Variants in TSHZ2 observed in about 807,000 individuals in gnomAD.
The protein encoded by TSHZ2 is teashirt homolog 2.
In TSHZ2, 21 loss-of-function variants were observed where a neutral mutation model predicts 74.4. The observed-to-expected ratio is 0.28, with a 90% CI of 0.20 to 0.41. The LOEUF is 0.41. Ranked by LOEUF, TSHZ2 falls within the 10% of genes least tolerant of loss-of-function variation. TSHZ2 has a pLI of 1.00. For synonymous variants in TSHZ2, 540 were observed against 515.3 expected (o/e 1.05, Z -0.65); for missense variants, 1,244 against 1,293.5 (o/e 0.96, Z 0.59).
At chr20:53,111,204 A>G (rs1273780530) in intron 1 of TSHZ2, among the ~76,000 whole-genome samples, 2 of 152,196 alleles carry the variant, frequency 1.3e-5, no homozygotes, top group East Asian at 3.8e-4. Flanking sequence ...TCTGCATAAT[A>G]TATCTACATG....
chr20:53,281,064 A>G (rs1250817659), intron 2 of TSHZ2, among the ~76,000 whole-genome samples: 1 of 152,248 alleles, frequency 6.6e-6, no homozygotes, highest in East Asian at 1.9e-4. Context: ...TGAGCAAGGC[A>G]AAGAAAGCCT....
intron 1 of TSHZ2, among the ~76,000 whole-genome samples, chr20:53,094,071 A>G (rs1985966409): frequency 6.6e-6 from 1 of 151,476 alleles, no homozygotes; most frequent in Non-Finnish European, 1.5e-5. Flanking sequence ...TTTTTTTGTA[A>G]GTAAAGTTTT....
rs201353411 is a variant in TSHZ2 at position 53,256,376 on chromosome 20, G to C, written c.2918G>C (p.Arg973Pro). 2.5e-6 allele frequency: 4 copies of C among 1,613,252 alleles called. No homozygotes were observed. The African/African-American group carries it at 5.3e-5, about 22-fold the overall frequency. ...AGCAAGGTGGAGCAAGAGATCTCCC[G>C]GGTATCGTCGGCTCAGAGGTCTCCA... Reference protein sequence around the residue: ...QQSKVEQEISRVSSAQRSPET... With the variant: ...QQSKVEQEISPVSSAQRSPET... The change falls in exon 2 of 3, where the codon CGG becomes CCG. Residue 973 changes from arginine (R) to proline (P), a missense_variant. Coordinates refer to ENST00000371497, the MANE Select transcript of TSHZ2 (RefSeq NM_173485.6). The surrounding 1 kb of genome is among the most constrained non-coding windows in gnomAD (Gnocchi z 4.3).
intron 1 of TSHZ2, among the ~76,000 whole-genome samples, chr20:53,106,368 C>T (rs1986365020): frequency 7.2e-6 from 1 of 139,416 alleles, no homozygotes; most frequent in Non-Finnish European, 1.5e-5. Context: ...TAAATTATTT[C>T]CTCTAGGGCC....
At chr20:53,057,496 TG>T (rs960295533) in intron 1 of TSHZ2, among the ~76,000 whole-genome samples, 3 of 152,188 alleles carry the variant, frequency 2.0e-5, no homozygotes, top group Non-Finnish European at 2.9e-5. Flanking sequence ...AGGTTATGTA[TG>T]TTTTTTTTTC....
In TSHZ2 at chr20:53,003,922, G is replaced by A. The variant is rs369087101; in HGVS notation, c.40+30589G>A. Among the ~76,000 whole-genome samples, 37 of 138,448 alleles carry A rather than the reference G, an allele frequency of 2.7e-4. No homozygotes were observed. The South Asian group carries it at 5.0e-3, about 19-fold the overall frequency. The allele number at this position is 138,448 out of a possible 152,430, so 90.8% of individuals were successfully genotyped here. A position where few individuals can be genotyped will look rare whatever the true frequency, so the allele number is the denominator to read the frequency against. On this transcript the variant is annotated intron_variant, in intron 1 of 2. Transcript: ENST00000371497. The stretch of plus-strand genomic sequence containing the variant: ...TTTTTTTTTTTAATTATTTCTTTCC[G>A]TAAGCTGTGCACACTCATACCACAT...
intron 1 of TSHZ2, among the ~76,000 whole-genome samples, chr20:53,149,792 C>A (rs1414948070): frequency 6.6e-6 from 1 of 152,202 alleles, no homozygotes; most frequent in Non-Finnish European, 1.5e-5. Context: ...AAAACTGAGA[C>A]CTGCTGGCAG....
intron 2 of TSHZ2, among the ~76,000 whole-genome samples, chr20:53,320,660 G>T (rs2145521074): frequency 6.6e-6 from 1 of 152,102 alleles, no homozygotes; most frequent in East Asian, 1.9e-4. Flanking sequence ...AGTGTTAGGG[G>T]GTGTTAAAAA....
chr20:53,347,494 AC>A (rs1165443196), intron 2 of TSHZ2, among the ~76,000 whole-genome samples: 1 of 151,324 alleles, frequency 6.6e-6, no homozygotes, highest in East Asian at 1.9e-4. Context: ...GTCCTTATCC[AC>A]CCCCCAACTC....
intron 2 of TSHZ2, among the ~76,000 whole-genome samples, chr20:53,376,962 C>T (rs746845477): frequency 1.3e-5 from 2 of 152,258 alleles, no homozygotes; most frequent in Non-Finnish European, 2.9e-5. Context: ...ATAGGCTCCT[C>T]TCCATGGGAG....
rs761631511 is a variant in TSHZ2, at chr20:53,256,855, T to C, written c.*8+284T>C. Among the ~76,000 whole-genome samples, 1 of 152,234 alleles carries C rather than the reference T, an allele frequency of 6.6e-6. No individual in the cohort carries two copies. The highest frequency in any genetic ancestry group is 1.5e-5 in the Non-Finnish European group (1 of 68,046). On this transcript the variant is annotated intron_variant, in intron 2 of 2. Coordinates refer to ENST00000371497, the MANE Select transcript of TSHZ2 (RefSeq NM_173485.6). The surrounding 1 kb of genome is among the most constrained non-coding windows in gnomAD (Gnocchi z 4.3). ...GGCCTTCATCATCCATAATCCTGAA[T>C]TACCCAAGGCAAGCTCCAGTGTCCA...
At chr20:53,340,773 TTCTC>T (rs1447781070) in intron 2 of TSHZ2, among the ~76,000 whole-genome samples, 1 of 152,188 alleles carries the variant, frequency 6.6e-6, no homozygotes, top group African/African-American at 2.4e-5. Context: ...AGCCCTCTCT[TTCTC>T]TCTTCTTTGT....
At chr20:53,210,148 G>A (rs1281993605) in intron 1 of TSHZ2, among the ~76,000 whole-genome samples, 1 of 152,260 alleles carries the variant, frequency 6.6e-6, no homozygotes, top group Admixed American at 6.5e-5. Context: ...GAGGGGTGGG[G>A]GAGCACGCAG....
At chr20:53,284,998 G>A (rs1271587432) in intron 2 of TSHZ2, among the ~76,000 whole-genome samples, 2 of 152,066 alleles carry the variant, frequency 1.3e-5, no homozygotes, top group Non-Finnish European at 2.9e-5. Context: ...GCTGCAATTC[G>A]GATCCAGCTC....
intron 1 of TSHZ2, among the ~76,000 whole-genome samples, chr20:53,247,011 C>T (rs1396749012): frequency 2.0e-5 from 3 of 152,192 alleles, no homozygotes; most frequent in Non-Finnish European, 2.9e-5. Flanking sequence ...CATTTATCTC[C>T]GCAGAGTACT....
chr20:53,195,421 T>C (rs1394980011), intron 1 of TSHZ2, among the ~76,000 whole-genome samples: 1 of 152,202 alleles, frequency 6.6e-6, no homozygotes, highest in Non-Finnish European at 1.5e-5. Context: ...GTGAAAGATA[T>C]ACAGGTAAAT....
rs1990399721 is a variant in TSHZ2, at chr20:53,254,088, A to T, written c.630A>T (p.Thr210=). ...QSSKMCGTVF[T]GASRFRCRQC... ...GCAAGATGTGCGGGACTGTGTTCACAGGGGCCAGCAGATTCCGATGCCGAC... is the reference window on the plus strand; with the variant it reads ...GCAAGATGTGCGGGACTGTGTTCACTGGGGCCAGCAGATTCCGATGCCGAC... Residue 210 remains threonine (T), a synonymous_variant, in exon 2 of 3, where the codon ACA becomes ACT. Coordinates refer to ENST00000371497, the MANE Select transcript of TSHZ2 (RefSeq NM_173485.6). 6.2e-7 allele frequency: 1 copy of T among 1,614,126 alleles called. No homozygotes were observed. The highest frequency in any genetic ancestry group is 8.5e-7 in the Non-Finnish European group (1 of 1,180,028).
At chr20:52,982,404 G>A (rs1344331786) in intron 1 of TSHZ2, among the ~76,000 whole-genome samples, 2 of 152,148 alleles carry the variant, frequency 1.3e-5, no homozygotes, top group South Asian at 2.1e-4. Context: ...TAAAGCTATG[G>A]GGTTAATTGA....
At chr20:53,401,909 A>C (rs1982679394) in intron 2 of TSHZ2, among the ~76,000 whole-genome samples, 1 of 151,142 alleles carries the variant, frequency 6.6e-6, no homozygotes, top group Non-Finnish European at 1.5e-5. Flanking sequence ...CAGCCTCCCA[A>C]GTAGCTGGGA....
Sources: gnomAD v4.1 joint callset for allele counts (sites outside exome capture counted in the v4.1 genomes callset) on GRCh38, gnomAD v4.1.1 for gene constraint, Gnocchi (gnomAD v3.1) non-coding constraint, MANE v1.5 for transcripts, NCBI Gene and HGNC (gene_info 2026-07-23, HGNC 2026-07-21) for gene names.